The following MAOA variants were observed in gnomAD, a reference collection of about 807,000 sequenced individuals.
The protein encoded by MAOA is amine oxidase [flavin-containing] A.
Under a neutral mutation model 42.0 loss-of-function variants are expected in MAOA, and 6 were observed. The ratio of observed to expected loss-of-function variants is 0.14; its 90% CI spans 0.08 to 0.28. The LOEUF is 0.28. Among genes scored for constraint, MAOA ranks in the 10% least tolerant of loss-of-function variants. The probability of loss-of-function intolerance (pLI) is 1.00; values close to 1 mark genes in which losing one functional copy is unlikely to be tolerated. For synonymous variants in MAOA, 140 were observed against 154.0 expected, an observed-to-expected ratio of 0.91 and a Z score of 0.67; for missense variants, 262 against 422.3, an observed-to-expected ratio of 0.62 and a Z score of 3.33.
In MAOA at chrX:43,680,174, G is replaced by A. The variant is rs767381592; in HGVS notation, c.74-3339G>A. Among the ~76,000 whole-genome samples the A allele has an allele frequency of 6.3e-5, 7 of 111,710 alleles. No individual in the cohort carries two copies. In the East Asian group the frequency reaches 1.1e-3, roughly 18 times the overall value. On this transcript the variant is annotated intron_variant, in intron 1 of 14. Coordinates refer to ENST00000338702, the MANE Select transcript of MAOA (RefSeq NM_000240.4). ...TAGCAGTGCTGGATATTATGGTTTA[G>A]ACTTAATATCTTTTAAGATATTTTA...
intron 5 of MAOA, 83 bp from the exon 6 acceptor site, chrX:43,728,090 C>T (rs1672470475): frequency 3.1e-6 from 3 of 968,682 alleles, no homozygotes; most frequent in African/African-American, 3.8e-5. Flanking sequence ...TTTCTGAACA[C>T]ACTAAATCGT....
chrX:43,730,261 G>A, intron 6 of MAOA, among the ~76,000 whole-genome samples: 1 of 107,216 alleles, frequency 9.3e-6, no homozygotes, highest in Non-Finnish European at 1.9e-5. Context: ...CTTACCAAAA[G>A]CATTGTGTTA....
chrX:43,711,257 A>G (rs899511834), intron 3 of MAOA, among the ~76,000 whole-genome samples: 1 of 112,283 alleles, frequency 8.9e-6, no homozygotes, highest in African/African-American at 3.2e-5. Flanking sequence ...TTTCCCAGAA[A>G]GAAACCAGGA....
intron 1 of MAOA, among the ~76,000 whole-genome samples, chrX:43,676,541 C>A (rs866591065): frequency 8.9e-6 from 1 of 111,784 alleles, no homozygotes; most frequent in Non-Finnish European, 1.9e-5. Flanking sequence ...CTGCATCGCT[C>A]ATGCTGGGAG....
intron 3 of MAOA, among the ~76,000 whole-genome samples, chrX:43,698,018 A>G (rs1205165294): frequency 8.9e-6 from 1 of 112,110 alleles, no homozygotes. Flanking sequence ...TACAAATTGT[A>G]TTTGTGACAT....
chrX:43,673,460 A>AT (rs1416660965), intron 1 of MAOA, among the ~76,000 whole-genome samples: 92 of 103,595 alleles, frequency 8.9e-4, no homozygotes, highest in Non-Finnish European at 1.7e-3. Context: ...TTCTGCTCTG[A>AT]TTTTAGTTAT....
intron 12 of MAOA, among the ~76,000 whole-genome samples, chrX:43,743,447 C>T (rs1162985850): frequency 1.8e-5 from 2 of 110,782 alleles, no homozygotes; most frequent in African/African-American, 6.6e-5. Context: ...CCGAGAAAGA[C>T]AGGACAGGGA....
intron 2 of MAOA, among the ~76,000 whole-genome samples, chrX:43,689,286 A>G (rs977922553): frequency 8.9e-6 from 1 of 111,946 alleles, no homozygotes; most frequent in African/African-American, 3.2e-5. Context: ...AACTTGGTCC[A>G]TCTATATTTG....
In MAOA at chrX:43,718,453, T is replaced by C. The variant is rs1049034501; in HGVS notation, c.503+5657T>C. Among the ~76,000 whole-genome samples the C allele has an allele frequency of 1.6e-4, 17 of 108,429 alleles. No individual in the cohort carries two copies. The Admixed American group carries it at 1.6e-3, about 10-fold the overall frequency. The allele number at this position is 108,429 out of a possible 115,157, so 94.2% of individuals were successfully genotyped here. A position where few individuals can be genotyped will look rare whatever the true frequency, so the allele number is the denominator to read the frequency against. On this transcript the variant is annotated intron_variant, in intron 5 of 14. Transcript: ENST00000338702. The stretch of plus-strand genomic sequence containing the variant: ...AGTGTTGGGGGGGTTATATCAGGAA[T>C]GTGACAAAGGCTCTGCGGGGAAACA...
At chrX:43,682,940 C>G (rs745635918) in intron 1 of MAOA, among the ~76,000 whole-genome samples, 3 of 112,102 alleles carry the variant, frequency 2.7e-5, no homozygotes, top group Admixed American at 9.5e-5. Flanking sequence ...CTGTTCTCAG[C>G]TTTGTTTGAG....
intron 1 of MAOA, among the ~76,000 whole-genome samples, chrX:43,672,179 A>G (rs1258145355): frequency 1.2e-4 from 13 of 111,180 alleles, no homozygotes; most frequent in Non-Finnish European, 2.3e-4. Flanking sequence ...AGTTGGATTC[A>G]TAGGTATTTT....
chrX:43,665,589 A>T (rs894000865), intron 1 of MAOA, among the ~76,000 whole-genome samples: 1 of 111,778 alleles, frequency 8.9e-6, no homozygotes, highest in Non-Finnish European at 1.9e-5. Flanking sequence ...TAAAGTGAAG[A>T]TGAATGCGGA....
chrX:43,699,470 C>T (rs1171196483), intron 3 of MAOA, among the ~76,000 whole-genome samples: 1 of 109,513 alleles, frequency 9.1e-6, no homozygotes, highest in Non-Finnish European at 1.9e-5. Context: ...GCAGAGGCTA[C>T]TTCAAAGGAG....
chrX:43,718,473 G>A (rs1276139271), intron 5 of MAOA, among the ~76,000 whole-genome samples: 1 of 109,462 alleles, frequency 9.1e-6, no homozygotes, highest in African/African-American at 3.3e-5. Context: ...GCTCTGCGGG[G>A]AAACAGGGAA....
rs1569203223 is a variant in MAOA at position 43,745,119 on chromosome X, C to T, written c.*606C>T. ...TGCTGCCTCAGGAATCTCCTGACCACTTGTAGTCCCTCCGACTTCTCTAGA... is the reference window on the plus strand; with the variant it reads ...TGCTGCCTCAGGAATCTCCTGACCATTTGTAGTCCCTCCGACTTCTCTAGA... On this transcript the variant is annotated 3_prime_UTR_variant, in exon 15 of 15. Transcript: ENST00000338702. 8.3e-6 allele frequency: 1 copy of T among 120,562 alleles called. No individual in the cohort carries two copies. Among genetic ancestry groups the T allele is most frequent in the Non-Finnish European group, 1.7e-5 (1 of 57,804 alleles). The allele number at this position is 120,562 out of a possible 1,213,427, so 9.9% of individuals were successfully genotyped here. A position where few individuals can be genotyped will look rare whatever the true frequency, so the allele number is the denominator to read the frequency against.
At position 43,744,598 on chromosome X, in the gene MAOA, G is replaced by A; in HGVS notation, c.*85G>A. ...ACAAGTTTAAAGGCTGTGTCATTGG[G>A]CCATGTTTAAGTGTACTGGATTTAA... is the stretch of plus-strand genomic sequence containing the variant. On this transcript the variant is annotated 3_prime_UTR_variant, in exon 15 of 15. Coordinates refer to ENST00000338702, the MANE Select transcript of MAOA (RefSeq NM_000240.4). 1 of 1,053,634 alleles carries A rather than the reference G, an allele frequency of 9.5e-7. No homozygotes were observed. The highest frequency in any genetic ancestry group is 2.2e-5 in the Admixed American group (1 of 45,558). 86.8% of individuals were successfully genotyped at this position (1,053,634 alleles called of 1,213,427 possible). A position where few individuals can be genotyped will look rare whatever the true frequency, so the allele number is the denominator to read the frequency against.
At position 43,728,375 on chromosome X, in the gene MAOA, A is replaced by G. The variant is rs1185570019; in HGVS notation, c.645+61A>G. On this transcript the variant is annotated intron_variant, in intron 6 of 14. Coordinates refer to ENST00000338702, the MANE Select transcript of MAOA (RefSeq NM_000240.4). ...TTCATCTGTGATTTTGCTTTCTCCC[A>G]GGGCAGTGTCTTTAATAGTTGCTTC... is the stretch of plus-strand genomic sequence containing the variant. The G allele has an allele frequency of 9.0e-6, 10 of 1,115,384 alleles. No homozygotes were observed. The African/African-American group carries it at 1.3e-4, about 14-fold the overall frequency. 91.9% of individuals were successfully genotyped at this position (1,115,384 alleles called of 1,213,427 possible).
At chrX:43,737,082 A>T (rs3027405) in intron 10 of MAOA, among the ~76,000 whole-genome samples, 10,736 of 111,741 alleles carry the variant, frequency 0.096, 734 homozygotes, top group African/African-American at 0.24. Flanking sequence ...CTGCAGAATG[A>T]GTTCCTACAT....
intron 6 of MAOA, among the ~76,000 whole-genome samples, chrX:43,730,709 A>T (rs1201041474): frequency 9.1e-6 from 1 of 110,117 alleles, no homozygotes; most frequent in Non-Finnish European, 1.9e-5. Context: ...TCCCATTCTT[A>T]GAACATCATT....
Sources: allele counts gnomAD v4.1 joint callset (sites outside exome capture counted in the v4.1 genomes callset), GRCh38; gene constraint gnomAD v4.1.1; transcripts MANE v1.5; gene names NCBI Gene and HGNC (gene_info 2026-07-23, HGNC 2026-07-21).